Variants in KCNH8 observed in about 807,000 individuals in gnomAD.
KCNH8 encodes voltage-gated delayed rectifier potassium channel KCNH8.
A neutral mutation model predicts 103.6 loss-of-function variants in KCNH8; 70 were observed. The ratio of observed to expected loss-of-function variants is 0.68; its 90% CI spans 0.56 to 0.82. KCNH8 has a LOEUF of 0.82. KCNH8 is among the 40% of genes least tolerant of loss of function. KCNH8 has a pLI of 0.00. For synonymous variants in KCNH8, 498 were observed against 489.4 expected (o/e 1.02, Z -0.23); for missense variants, 1,217 against 1,329.9 (o/e 0.92, Z 1.32).
chr3:19,351,537 T>C (rs191528498), intron 5 of KCNH8, among the ~76,000 whole-genome samples: 1,526 of 152,254 alleles, frequency 0.01, 10 homozygotes, highest in Non-Finnish European at 0.017. Flanking sequence ...AGCGGATCTC[T>C]TGGCAGAAAC....
At chr3:19,313,677 T>C (rs763762285) in intron 3 of KCNH8, among the ~76,000 whole-genome samples, 30 of 151,370 alleles carry the variant, frequency 2.0e-4, no homozygotes, top group Non-Finnish European at 3.2e-4. Flanking sequence ...TTCTTTTTTC[T>C]GATACTCCCT....
At chr3:19,313,049 C>G (rs2065226573) in intron 3 of KCNH8, among the ~76,000 whole-genome samples, 1 of 151,834 alleles carries the variant, frequency 6.6e-6, no homozygotes, top group South Asian at 2.1e-4. Context: ...GATGTCTTGG[C>G]CTGTGAGTTG....
intron 15 of KCNH8, among the ~76,000 whole-genome samples, chr3:19,531,777 T>C (rs924280039): frequency 6.6e-6 from 1 of 152,238 alleles, no homozygotes; most frequent in African/African-American, 2.4e-5. Flanking sequence ...TTGAAGAATG[T>C]CTGCCCAAAA....
intron 15 of KCNH8, among the ~76,000 whole-genome samples, chr3:19,528,251 T>C (rs1397274181): frequency 6.6e-6 from 1 of 152,052 alleles, no homozygotes; most frequent in African/African-American, 2.4e-5. Context: ...GGATGCAAAA[T>C]GTTAGCCAAA....
intron 7 of KCNH8, among the ~76,000 whole-genome samples, chr3:19,409,727 A>C (rs1038528749): frequency 6.6e-5 from 10 of 152,170 alleles, no homozygotes; most frequent in African/African-American, 1.9e-4. Context: ...CTCATATCAG[A>C]TGAAACAGAC....
At chr3:19,228,326 G>T (rs1389100255) in intron 1 of KCNH8, among the ~76,000 whole-genome samples, 1 of 152,128 alleles carries the variant, frequency 6.6e-6, no homozygotes, top group Non-Finnish European at 1.5e-5. Flanking sequence ...ATATTTAGTT[G>T]CTGGCCTTTT....
intron 1 of KCNH8, among the ~76,000 whole-genome samples, chr3:19,222,641 G>A (rs1320966108): frequency 6.6e-6 from 1 of 151,888 alleles, no homozygotes; most frequent in African/African-American, 2.4e-5. Context: ...TAAATAAATT[G>A]TACCACCAAG....
chr3:19,516,677 C>G (rs1243976066), intron 14 of KCNH8, among the ~76,000 whole-genome samples: 5 of 151,978 alleles, frequency 3.3e-5, no homozygotes, highest in African/African-American at 7.2e-5. Context: ...AACCTATCAC[C>G]TACCCCTACG....
intron 6 of KCNH8, among the ~76,000 whole-genome samples, chr3:19,394,788 C>A (rs552650248): frequency 6.6e-6 from 1 of 151,788 alleles, no homozygotes; most frequent in South Asian, 2.1e-4. Context: ...ATTCTGATAC[C>A]ATAATGTGTT....
chr3:19,257,031 A>G (rs1177471814), intron 2 of KCNH8, among the ~76,000 whole-genome samples: 1 of 152,050 alleles, frequency 6.6e-6, no homozygotes, highest in Non-Finnish European at 1.5e-5. Flanking sequence ...ATCAGATGGT[A>G]GTTTCTTAGT....
chr3:19,226,433 G>T (rs1306587604), intron 1 of KCNH8, among the ~76,000 whole-genome samples: 1 of 152,140 alleles, frequency 6.6e-6, no homozygotes, highest in Non-Finnish European at 1.5e-5. Context: ...TAATAAGCAA[G>T]GTCATCAGAA....
chr3:19,291,680 G>T (rs1346387902), intron 3 of KCNH8, among the ~76,000 whole-genome samples: 1 of 152,090 alleles, frequency 6.6e-6, no homozygotes, highest in Admixed American at 6.6e-5. Context: ...GGTCAATTTT[G>T]GAATAGGTGT....
At chr3:19,258,906 TC>T (rs2064381648) in intron 2 of KCNH8, among the ~76,000 whole-genome samples, 62 of 27,422 alleles carry the variant, frequency 2.3e-3, no homozygotes, top group South Asian at 6.4e-3. Flanking sequence ...ATTTTCTGTT[TC>T]TCTCTCTCTC....
intron 3 of KCNH8, among the ~76,000 whole-genome samples, chr3:19,308,393 A>C (rs1436067307): frequency 2.6e-5 from 4 of 151,690 alleles, no homozygotes; most frequent in African/African-American, 9.7e-5. Context: ...TACCTAACCT[A>C]AGCCCTGAGT....
chr3:19,286,277 A>G (rs1051521837), intron 3 of KCNH8, among the ~76,000 whole-genome samples: 1 of 152,162 alleles, frequency 6.6e-6, no homozygotes, highest in Non-Finnish European at 1.5e-5. Context: ...ATGTAACGGT[A>G]TTTGAGGCCT....
intron 3 of KCNH8, among the ~76,000 whole-genome samples, chr3:19,295,045 AC>A (rs1405052324): frequency 2.0e-5 from 3 of 152,084 alleles, no homozygotes; most frequent in Non-Finnish European, 2.9e-5. Flanking sequence ...ATATTAAAAA[AC>A]TTTTTGCAAT....
intron 2 of KCNH8, among the ~76,000 whole-genome samples, chr3:19,261,022 T>G (rs1301754519): frequency 6.7e-6 from 1 of 149,146 alleles, no homozygotes; most frequent in Non-Finnish European, 1.5e-5. Flanking sequence ...TTTATATTGA[T>G]GGACACCTAA....
intron 1 of KCNH8, 135 bp downstream of exon 1, chr3:19,148,930 T>A: frequency 1.2e-6 from 1 of 804,266 alleles, no homozygotes; most frequent in Non-Finnish European, 2.1e-6. Context: ...GTATCTTTTG[T>A]GCGGAGAAAT....
At chr3:19,355,050 A>T (rs1161378115) in intron 5 of KCNH8, among the ~76,000 whole-genome samples, 1 of 152,210 alleles carries the variant, frequency 6.6e-6, no homozygotes, top group East Asian at 1.9e-4. Context: ...CAATCAAACA[A>T]CCCCATCAAA....
Sources: gnomAD v4.1 joint callset for allele counts (sites outside exome capture counted in the v4.1 genomes callset) on GRCh38, gnomAD v4.1.1 for gene constraint, MANE v1.5 for transcripts, NCBI Gene and HGNC (gene_info 2026-07-23, HGNC 2026-07-21) for gene names.